Variants in TUBD1 observed in about 807,000 individuals in gnomAD.
TUBD1 encodes tubulin delta chain.
A neutral mutation model predicts 51.2 loss-of-function variants in TUBD1; 38 were observed. The observed-to-expected ratio is 0.74, with a 90% CI of 0.57 to 0.97. The LOEUF (loss-of-function observed/expected upper bound fraction) is 0.97, where lower values mean the gene tolerates loss of function less well. TUBD1 is among the 50% of genes least tolerant of loss of function. TUBD1 has a pLI of 0.00. For synonymous variants in TUBD1, 169 were observed against 178.2 expected, an observed-to-expected ratio of 0.95 and a Z score of 0.41; for missense variants, 489 against 538.4, an observed-to-expected ratio of 0.91 and a Z score of 0.91.
intron 6 of TUBD1, among the ~76,000 whole-genome samples, chr17:59,867,379 G>T (rs1455623971): frequency 6.6e-6 from 1 of 152,050 alleles, no homozygotes; most frequent in East Asian, 1.9e-4. Flanking sequence ...ACTAGACTTT[G>T]TTGGGGCAAA....
Position 59,878,191 on chromosome 17 carries a change from G to A in TUBD1, c.681C>T (p.Ile227=). The change falls in exon 5 of 9, where the codon ATC becomes ATT. Residue 227 remains isoleucine, a synonymous_variant. Coordinates refer to ENST00000325752, the MANE Select transcript of TUBD1 (RefSeq NM_016261.4). ...CCAGCTGATGTGCGAGGACTTGATTGATATCACTAAAGGAGATCTGCTTGA... is the reference window on the plus strand; with the variant it reads ...CCAGCTGATGTGCGAGGACTTGATTAATATCACTAAAGGAGATCTGCTTGA... ...MNIKQISFSD[I]NQVLAHQLGS... The A allele has an allele frequency of 2.5e-6, 4 of 1,614,120 alleles. No homozygotes were observed. In the South Asian group the frequency reaches 4.4e-5, roughly 18 times the overall value.
At chr17:59,870,510 TAGA>T (rs1414757714) in intron 6 of TUBD1, among the ~76,000 whole-genome samples, 1 of 150,600 alleles carries the variant, frequency 6.6e-6, no homozygotes, top group Non-Finnish European at 1.5e-5. Context: ...TCTTCCACCC[TAGA>T]AGGTTTCTGC....
chr17:59,880,900 A>G lies in TUBD1; in HGVS notation c.531T>C (p.Thr177=), dbSNP rs572349070. The G allele has an allele frequency of 5.6e-6, 9 of 1,612,912 alleles. No homozygotes were observed. The East Asian group carries it at 1.8e-4, about 32-fold the overall frequency. Residue 177 remains threonine, a synonymous_variant, in exon 4 of 9, where the codon ACT becomes ACC. Coordinates refer to ENST00000325752, the MANE Select transcript of TUBD1 (RefSeq NM_016261.4). ...KMNQIIWPYG[T]GEVIVQNYNS... Reference sequence around the variant, plus strand: ...TCAATTAACATGTCCATACCTCACCAGTTCCATAAGGCCAAATAATCTGAT... The same window carrying G: ...TCAATTAACATGTCCATACCTCACCGGTTCCATAAGGCCAAATAATCTGAT...
At chr17:59,868,193 A>G (rs2039800859) in intron 6 of TUBD1, among the ~76,000 whole-genome samples, 3 of 144,390 alleles carry the variant, frequency 2.1e-5, no homozygotes, top group Admixed American at 7.1e-5. Context: ...CTGAGGCAGG[A>G]GAATCGTTTG....
intron 8 of TUBD1, among the ~76,000 whole-genome samples, chr17:59,862,917 G>A (rs1177736959): frequency 1.3e-5 from 2 of 151,662 alleles, no homozygotes; most frequent in Non-Finnish European, 2.9e-5. Flanking sequence ...GTAGAGACGG[G>A]GTTTCACCGT....
At chr17:59,889,385 G>A (rs1418499055) in intron 2 of TUBD1, among the ~76,000 whole-genome samples, 1 of 111,508 alleles carries the variant, frequency 9.0e-6, no homozygotes, top group African/African-American at 3.0e-5. Context: ...AAGAAAGAGA[G>A]GCTGGGCACA....
chr17:59,872,636 G>A (rs1221539287), intron 6 of TUBD1, among the ~76,000 whole-genome samples: 2 of 140,962 alleles, frequency 1.4e-5, no homozygotes, highest in East Asian at 4.2e-4. Context: ...AATTGTGTTT[G>A]TATGTGTGAG....
chr17:59,880,178 C>T (rs2040418085), intron 4 of TUBD1, among the ~76,000 whole-genome samples: 1 of 152,112 alleles, frequency 6.6e-6, no homozygotes, highest in African/African-American at 2.4e-5. Context: ...CCTGCCTCAA[C>T]CTCCTGAGTA....
intron 8 of TUBD1, among the ~76,000 whole-genome samples, chr17:59,861,102 T>G (rs1188421060): frequency 6.6e-6 from 1 of 152,008 alleles, no homozygotes; most frequent in Non-Finnish European, 1.5e-5. Context: ...TCAGTCCAGT[T>G]CTAGGAATGG....
At chr17:59,878,368 G>T in intron 4 of TUBD1, 34 bp from the exon 5 acceptor site, 1 of 1,483,744 alleles carries the variant, frequency 6.7e-7, no homozygotes, top group Non-Finnish European at 9.4e-7. Context: ...AAGAAAGGTA[G>T]GAGAGAATAA....
chr17:59,865,215 A>G (rs1015223877), intron 7 of TUBD1, among the ~76,000 whole-genome samples: 2 of 152,146 alleles, frequency 1.3e-5, no homozygotes, highest in African/African-American at 4.8e-5. Flanking sequence ...TGAAGTCATG[A>G]TAAAATGAAC....
Position 59,863,820 on chromosome 17 carries a change from G to A in TUBD1, c.1103C>T (p.Thr368Ile), listed in dbSNP as rs1469156066. 1.3e-6 allele frequency: 2 copies of A among 1,592,326 alleles called. No homozygotes were observed. Among genetic ancestry groups the A allele is most frequent in the African/African-American group, 2.7e-5 (2 of 73,490 alleles). Residue 368 changes from threonine to isoleucine, a missense_variant, in exon 8 of 9, where the codon ACT (threonine) becomes ATT (isoleucine). Coordinates refer to ENST00000325752, the MANE Select transcript of TUBD1 (RefSeq NM_016261.4). ...VEGFKDPALY[T>I]SWLKPVNAFN... ...AGCATTAACAGGCTTCAACCAGGAA[G>A]TATACAGAGCTGGATCTTTAAATCC...
chr17:59,886,284 C>CT (rs2040721001), intron 2 of TUBD1, 54 bp from the exon 3 acceptor site: 1 of 1,505,544 alleles, frequency 6.6e-7, no homozygotes, highest in Admixed American at 2.1e-5. Flanking sequence ...TTTATTATGT[C>CT]TTATTTGGGT....
chr17:59,886,131 T>C lies in TUBD1; in HGVS notation c.272A>G (p.His91Arg). The C allele has an allele frequency of 1.2e-6, 2 of 1,614,066 alleles. No homozygotes were observed. The highest frequency in any genetic ancestry group is 1.1e-5 in the South Asian group (1 of 91,082). ...AQSGQWKYGQ[H>R]ACFCQKQGSG... is the part of the protein sequence containing the mutation. ...ACCTTGTTTTTGACAGAAGCATGCA[T>C]GTTGACCATATTTCCATTGGCCAGA... The change falls in exon 3 of 9, where the codon CAT becomes CGT. Residue 91 changes from histidine (H) to arginine (R), a missense_variant. Transcript: ENST00000325752.
rs371178578 is a variant in TUBD1 at position 59,866,681 on chromosome 17, C to A, written c.1003G>T (p.Asp335Tyr). Reference protein sequence around the residue: ...PPLSKMSLNKDLHFNTSIANL... With the variant: ...PPLSKMSLNKYLHFNTSIANL... ...GCAATGGAAGTGTTAAAATGCAGGT[C>A]CTTGTTGAGAGACATTTTACTAAGA... The change falls in exon 7 of 9, where the codon GAC becomes TAC. Residue 335 changes from aspartate (D) to tyrosine (Y), a missense_variant. Coordinates refer to ENST00000325752, the MANE Select transcript of TUBD1 (RefSeq NM_016261.4). The A allele has an allele frequency of 6.2e-7, 1 of 1,614,112 alleles. No individual in the cohort carries two copies. Among genetic ancestry groups the A allele is most frequent in the Middle Eastern group, 1.6e-4 (1 of 6,062 alleles).
rs751851153 is a variant in TUBD1 at position 59,868,634 on chromosome 17, C to T, written c.935-1885G>A. On this transcript the variant is annotated intron_variant, in intron 6 of 8. Coordinates refer to ENST00000325752, the MANE Select transcript of TUBD1 (RefSeq NM_016261.4). Reference sequence around the variant, plus strand: ...GGGGGGGATCACGAGTTCAAGAGATCGAGACCATACTGGCCAACATGGTGA... The same window carrying T: ...GGGGGGGATCACGAGTTCAAGAGATTGAGACCATACTGGCCAACATGGTGA... Among the ~76,000 whole-genome samples the T allele has an allele frequency of 1.6e-4, 24 of 152,098 alleles. 1 individual carries two copies. Among genetic ancestry groups the T allele is most frequent in the South Asian group, 1.2e-3 (6 of 4,808 alleles).
In TUBD1 at chr17:59,880,950, G is replaced by C. The variant is rs562017394; in HGVS notation, c.481C>G (p.Gln161Glu). 1,501 of 1,614,094 alleles carry C rather than the reference G, an allele frequency of 9.3e-4. 25 individuals are homozygous for C. In the South Asian group the frequency reaches 0.016, roughly 17 times the overall value. ...TTCATTTTCAATGAGTTTGAGTACT[G>C]ATCTTCTAAATTCTGTGTAACGAAA... Reference protein sequence around the residue: ...GAFVTQNLEDQYSNSLKMNQI... With the variant: ...GAFVTQNLEDEYSNSLKMNQI... Residue 161 changes from glutamine (Q) to glutamate (E), a missense_variant, in exon 4 of 9, where the codon CAG becomes GAG. Gln to Glu is a conservative substitution (Grantham distance 29, BLOSUM62 2). Transcript: ENST00000325752.
intron 8 of TUBD1, among the ~76,000 whole-genome samples, chr17:59,861,970 T>G (rs2039471354): frequency 6.7e-6 from 1 of 148,346 alleles, no homozygotes; most frequent in Non-Finnish European, 1.5e-5. Context: ...CCAGCCTGAG[T>G]GGGGTTTTAT....
intron 6 of TUBD1, among the ~76,000 whole-genome samples, chr17:59,873,324 A>T (rs1475304078): frequency 6.6e-6 from 1 of 151,696 alleles, no homozygotes; most frequent in Non-Finnish European, 1.5e-5. Context: ...ATCACAGCTC[A>T]CTGCAGCCTT....
Sources: gnomAD v4.1 joint callset for allele counts (sites outside exome capture counted in the v4.1 genomes callset) on GRCh38, gnomAD v4.1.1 for gene constraint, MANE v1.5 for transcripts, NCBI Gene and HGNC (gene_info 2026-07-23, HGNC 2026-07-21) for gene names.